Variants in SLFN12L observed in about 807,000 individuals in gnomAD.
The protein encoded by SLFN12L is schlafen family member 12-like.
In SLFN12L, 34 loss-of-function variants were observed where a neutral mutation model predicts 34.8. The ratio of observed to expected loss-of-function variants is 0.98; its 90% CI spans 0.74 to 1.30. The LOEUF (loss-of-function observed/expected upper bound fraction) is 1.30. Among genes scored for constraint, SLFN12L ranks in the 50% most tolerant of loss-of-function variants. The pLI is 0.00. For missense variants in SLFN12L, 703 were observed against 696.2 expected (o/e 1.01, Z -0.11); for synonymous variants, 259 against 247.5 (o/e 1.05, Z -0.44).
Position 35,522,276 on chromosome 17 carries a change from T to C in SLFN12L, c.86+3A>G. The C allele has an allele frequency of 1.2e-6, 2 of 1,614,080 alleles. No homozygotes were observed. Among genetic ancestry groups the C allele is most frequent in the Middle Eastern group, 1.6e-4 (1 of 6,062 alleles). ...CTTAGAGACATAAGGTCCAACTGCT[T>C]ACCTGATGAAATTCCTCAGAAACTG... On this transcript the variant is annotated splice_donor_region_variant and intron_variant, in intron 2 of 4. Coordinates refer to ENST00000628453, the MANE Select transcript of SLFN12L (RefSeq NM_001363830.2).
Position 35,522,270 on chromosome 17 carries a change from A to C in SLFN12L, c.86+9T>G. 6.2e-7 allele frequency: 1 copy of C among 1,614,030 alleles called. No homozygotes were observed. Among genetic ancestry groups the C allele is most frequent in the Non-Finnish European group, 8.5e-7 (1 of 1,179,934 alleles). On this transcript the variant is annotated intron_variant, in intron 2 of 4. Transcript: ENST00000628453. ...ATAATACTTAGAGACATAAGGTCCA[A>C]CTGCTTACCTGATGAAATTCCTCAG...
At position 35,475,363 on chromosome 17, in the gene SLFN12L, A is replaced by G. The variant is rs1913951205; in HGVS notation, c.1399T>C (p.Phe467Leu). Residue 467 changes from phenylalanine to leucine, a missense_variant, in exon 5 of 5, where the codon TTC (phenylalanine) becomes CTC (leucine). Coordinates refer to ENST00000628453, the MANE Select transcript of SLFN12L (RefSeq NM_001363830.2). Reference sequence around the variant, plus strand: ...AGATCCAAAGACCAGCTCCTAGAGAAGATCAGTGAGCCCTTATTGACAGAG... The same window carrying G: ...AGATCCAAAGACCAGCTCCTAGAGAGGATCAGTGAGCCCTTATTGACAGAG... ...MGSVNKGSLIFSRSWSLDLGL... is the reference protein window; with the variant it reads ...MGSVNKGSLILSRSWSLDLGL... The G allele has an allele frequency of 6.2e-7, 1 of 1,614,110 alleles. No homozygotes were observed. The highest frequency in any genetic ancestry group is 1.3e-5 in the African/African-American group (1 of 74,932).
chr17:35,534,091 G>A (rs904498482), intron 1 of SLFN12L, among the ~76,000 whole-genome samples: 5 of 150,638 alleles, frequency 3.3e-5, no homozygotes, highest in African/African-American at 7.3e-5. Flanking sequence ...GCCTGGGCAC[G>A]GTGTCTCATG....
chr17:35,520,516 G>A (rs892148138), intron 2 of SLFN12L, among the ~76,000 whole-genome samples: 18 of 152,288 alleles, frequency 1.2e-4, no homozygotes, highest in African/African-American at 2.6e-4. Context: ...AGGCCAAGAC[G>A]GATGGATCAC....
chr17:35,521,416 G>C (rs573152049), intron 2 of SLFN12L, among the ~76,000 whole-genome samples: 78 of 152,326 alleles, frequency 5.1e-4, no homozygotes, highest in Middle Eastern at 3.4e-3. Context: ...CAACTTTTCT[G>C]TAAGTCTATG....
At chr17:35,537,147 G>A (rs375553714) in intron 1 of SLFN12L, among the ~76,000 whole-genome samples, 1 of 151,668 alleles carries the variant, frequency 6.6e-6, no homozygotes, top group South Asian at 2.1e-4. Flanking sequence ...ACCACTGCAC[G>A]ACAGCCTGGG....
intron 4 of SLFN12L, among the ~76,000 whole-genome samples, chr17:35,475,835 G>A (rs1306960015): frequency 6.6e-6 from 1 of 151,992 alleles, no homozygotes; most frequent in Non-Finnish European, 1.5e-5. Flanking sequence ...AGGAAGTTGA[G>A]GCTGCAGTGA....
At chr17:35,510,696 T>C (rs1377851388) in intron 2 of SLFN12L, among the ~76,000 whole-genome samples, 1 of 152,088 alleles carries the variant, frequency 6.6e-6, no homozygotes, top group Non-Finnish European at 1.5e-5. Flanking sequence ...AATTATTGAA[T>C]TGTACACTTT....
Position 35,465,131 on chromosome 17 carries a change from C to T in SLFN12L, c.*9792G>A, listed in dbSNP as rs1438492395. ...CTGGCCTCAAGTGATCCGCCTGTCT[C>T]GGCCTCCCAAAGTGCTGGGATTACA... is the stretch of plus-strand genomic sequence containing the variant. On this transcript the variant is annotated 3_prime_UTR_variant, in exon 5 of 5. Transcript: ENST00000628453. Among the ~76,000 whole-genome samples the T allele has an allele frequency of 2.6e-5, 4 of 152,288 alleles. No individual in the cohort carries two copies. Among genetic ancestry groups the T allele is most frequent in the East Asian group, 1.9e-4 (1 of 5,180 alleles).
At chr17:35,477,684 C>A (rs1914097124) in intron 4 of SLFN12L, among the ~76,000 whole-genome samples, 1 of 151,702 alleles carries the variant, frequency 6.6e-6, no homozygotes, top group Admixed American at 6.6e-5. Context: ...CATGTATATA[C>A]CCAAATAAAT....
At chr17:35,495,407 T>C (rs1915014043) in intron 2 of SLFN12L, among the ~76,000 whole-genome samples, 1 of 152,190 alleles carries the variant, frequency 6.6e-6, no homozygotes, top group Admixed American at 6.5e-5. Flanking sequence ...ATACGTACAG[T>C]TTCATGTATG....
intron 2 of SLFN12L, among the ~76,000 whole-genome samples, chr17:35,495,231 T>C (rs1278237807): frequency 1.3e-5 from 2 of 152,140 alleles, no homozygotes; most frequent in African/African-American, 4.8e-5. Flanking sequence ...ATATTGTTTA[T>C]CTTGTTCACT....
rs1435020471 is a variant in SLFN12L at position 35,475,449 on chromosome 17, A to G, written c.1313T>C (p.Phe438Ser). ...SEKITCAPKT[F>S]CRNLFSQHEG... Reference sequence around the variant, plus strand: ...ATGTTGTGAGAACAGATTTCTGCAGAAGGTTTTTGGAGCACAAGTTATCTT... The same window carrying G: ...ATGTTGTGAGAACAGATTTCTGCAGGAGGTTTTTGGAGCACAAGTTATCTT... Residue 438 changes from phenylalanine to serine, a missense_variant, in exon 5 of 5, where the codon TTC (phenylalanine) becomes TCC (serine). Physicochemically the swap from Phe to Ser is radical, Grantham distance 155. Coordinates refer to ENST00000628453, the MANE Select transcript of SLFN12L (RefSeq NM_001363830.2). 1 of 1,612,416 alleles carries G rather than the reference A, an allele frequency of 6.2e-7. No individual in the cohort carries two copies. Among genetic ancestry groups the G allele is most frequent in the Non-Finnish European group, 8.5e-7 (1 of 1,179,456 alleles).
rs777607596 is a variant in SLFN12L, at chr17:35,479,580, A to T, written c.702T>A (p.Tyr234Ter). 1.2e-5 allele frequency: 20 copies of T among 1,613,418 alleles called. No homozygotes were observed. Among genetic ancestry groups the T allele is most frequent in the Non-Finnish European group, 1.6e-5 (19 of 1,179,878 alleles). ...ATTCAGTAAAGGTCAATTTTTCTTT[A>T]TAACCAAGTTCTGTTCTGTTAAAAA... is the stretch of plus-strand genomic sequence containing the variant. ...ADFFNRTELGYKEKLTFTEST... is the reference protein window; with the variant it reads ...ADFFNRTELG The change falls in exon 3 of 5, where the codon TAT becomes TAA. Residue 234 changes from tyrosine to a stop codon, truncating the protein, a stop_gained. Coordinates refer to ENST00000628453, the MANE Select transcript of SLFN12L (RefSeq NM_001363830.2). LOFTEE classifies it high-confidence loss of function.
At chr17:35,484,403 G>A (rs1009403374) in intron 2 of SLFN12L, among the ~76,000 whole-genome samples, 2 of 152,168 alleles carry the variant, frequency 1.3e-5, no homozygotes, top group African/African-American at 4.8e-5. Flanking sequence ...AAAAGCTTTG[G>A]TTCAGTTCCT....
intron 1 of SLFN12L, among the ~76,000 whole-genome samples, chr17:35,531,722 G>T (rs2072413066): frequency 1.3e-5 from 2 of 152,048 alleles, no homozygotes; most frequent in Non-Finnish European, 2.9e-5. Flanking sequence ...GTTCAAGTGA[G>T]TCTCCTGCCT....
At chr17:35,489,636 C>G (rs558840485) in intron 2 of SLFN12L, among the ~76,000 whole-genome samples, 7 of 152,234 alleles carry the variant, frequency 4.6e-5, no homozygotes, top group African/African-American at 1.7e-4. Context: ...GAGGTTTACT[C>G]TCGGTATCCA....
rs1040463410 is a variant in SLFN12L, at chr17:35,468,029, C to A, written c.*6894G>T. Among the ~76,000 whole-genome samples the A allele has an allele frequency of 6.6e-6, 1 of 152,174 alleles. No individual in the cohort carries two copies. The highest frequency in any genetic ancestry group is 1.5e-5 in the Non-Finnish European group (1 of 68,030). On this transcript the variant is annotated 3_prime_UTR_variant, in exon 5 of 5. Transcript: ENST00000628453. Reference sequence around the variant, plus strand: ...GGTTCAGACAATCCTCTCACCTCAGCCTCCTGAGAAGCTGCGACCACAGGC... The same window carrying A: ...GGTTCAGACAATCCTCTCACCTCAGACTCCTGAGAAGCTGCGACCACAGGC...
At chr17:35,485,634 C>A (rs892047825) in intron 2 of SLFN12L, among the ~76,000 whole-genome samples, 3 of 152,086 alleles carry the variant, frequency 2.0e-5, no homozygotes, top group Non-Finnish European at 2.9e-5. Context: ...TCTTCTAGAA[C>A]TTTTATAGTT....
Sources: gnomAD v4.1 joint callset for allele counts (sites outside exome capture counted in the v4.1 genomes callset) on GRCh38, gnomAD v4.1.1 for gene constraint, MANE v1.5 for transcripts, NCBI Gene and HGNC (gene_info 2026-07-23, HGNC 2026-07-21) for gene names.